Variants in IGSF5 observed in about 807,000 individuals in gnomAD.
The protein encoded by IGSF5 is immunoglobulin superfamily member 5, also known as immunoglobulin superfamily 5 like.
A neutral mutation model predicts 39.4 loss-of-function variants in IGSF5; 41 were observed. The observed-to-expected ratio is 1.04, with a 90% CI of 0.81 to 1.35. The LOEUF is 1.35. Among genes scored for constraint, IGSF5 ranks in the 40% most tolerant of loss-of-function variants. The probability of loss-of-function intolerance (pLI) is 0.00; values close to 1 mark genes in which losing one functional copy is unlikely to be tolerated. For synonymous variants in IGSF5, 183 were observed against 175.3 expected (o/e 1.04, Z -0.34); for missense variants, 487 against 494.6 (o/e 0.98, Z 0.15).
the IGSF5 span, among the ~76,000 whole-genome samples, chr21:39,724,128 AAAATG>A: frequency 7.3e-6 from 1 of 137,056 alleles, no homozygotes; most frequent in South Asian, 2.4e-4. Flanking sequence ...AAAATAAAAT[AAAATG>A]CCTTTTGTTT....
chr21:39,716,187 C>T, the IGSF5 span, among the ~76,000 whole-genome samples: 20 of 152,312 alleles, frequency 1.3e-4, no homozygotes, highest in Non-Finnish European at 2.9e-4. Flanking sequence ...AGTGCCCTCC[C>T]TCATGACTCG....
intron 5 of IGSF5, among the ~76,000 whole-genome samples, chr21:39,779,761 G>A (rs544708330): frequency 1.2e-4 from 18 of 152,268 alleles, no homozygotes; most frequent in African/African-American, 2.4e-4. Flanking sequence ...ACCCTGGAGA[G>A]ACCTAAAGGA....
At chr21:39,735,861 T>C in the IGSF5 span, among the ~76,000 whole-genome samples, 2 of 152,328 alleles carry the variant, frequency 1.3e-5, no homozygotes, top group East Asian at 3.9e-4. Context: ...TCCTACAGCT[T>C]AGAGTTGTAA....
the IGSF5 span, among the ~76,000 whole-genome samples, chr21:39,713,985 G>A: frequency 1.5e-4 from 23 of 152,336 alleles, no homozygotes; most frequent in African/African-American, 4.8e-4. Context: ...ACAAGGTCCC[G>A]GTCTTTTCAG....
the IGSF5 span, among the ~76,000 whole-genome samples, chr21:39,731,527 A>C: frequency 2.8e-4 from 43 of 152,224 alleles, no homozygotes; most frequent in Non-Finnish European, 4.1e-4. Flanking sequence ...ACTTTTTAAA[A>C]GCAGAGTTTT....
chr21:39,744,683 T>C (rs1372147350), upstream of IGSF5, among the ~76,000 whole-genome samples: 2 of 152,256 alleles, frequency 1.3e-5, no homozygotes, highest in Non-Finnish European at 2.9e-5. Context: ...GTTACATTAC[T>C]TTTTTCTAAC....
upstream of IGSF5, among the ~76,000 whole-genome samples, chr21:39,745,165 CTCTCTCTCTCCA>C (rs1179933075): frequency 6.6e-6 from 1 of 151,528 alleles, no homozygotes; most frequent in Non-Finnish European, 1.5e-5. Flanking sequence ...TCATCTCTCT[CTCTCTCTCTCCA>C]TCTCTCTCTC....
chr21:39,745,623 G>A (rs2079970226), intron 1 of IGSF5, 97 bp downstream of exon 1: 3 of 684,700 alleles, frequency 4.4e-6, no homozygotes, highest in Middle Eastern at 2.5e-4. Context: ...ACAGCTTTCT[G>A]CCTCTAGTTG....
the IGSF5 span, among the ~76,000 whole-genome samples, chr21:39,737,113 C>T: frequency 6.6e-6 from 1 of 151,842 alleles, no homozygotes; most frequent in Non-Finnish European, 1.5e-5. Flanking sequence ...CCTGATCTGT[C>T]TGCTTTGTTC....
Position 39,764,817 on chromosome 21 carries a change from C to G in IGSF5, c.101-718C>G, listed in dbSNP as rs2837186. 2.4e-4 allele frequency among the ~76,000 whole-genome samples: 37 copies of G among 152,162 alleles called. No individual in the cohort carries two copies. In the South Asian group the frequency reaches 7.7e-3, roughly 32 times the overall value. ...GGTGGGCACAAACTAGGAGAAGCCA[C>G]GGTATGTGGTCTGCCAGGGTGTCTT... On this transcript the variant is annotated intron_variant, in intron 2 of 8. Coordinates refer to ENST00000380588, the MANE Select transcript of IGSF5 (RefSeq NM_001080444.2).
chr21:39,747,161 T>C (rs114599260), intron 2 of IGSF5, among the ~76,000 whole-genome samples: 15,086 of 152,238 alleles, frequency 0.099, 2,440 homozygotes, highest in African/African-American at 0.34. Flanking sequence ...CAGCTCCATG[T>C]GGCTGGGGAG....
intron 2 of IGSF5, among the ~76,000 whole-genome samples, chr21:39,754,994 T>G (rs1244192723): frequency 6.6e-6 from 1 of 152,160 alleles, no homozygotes; most frequent in Non-Finnish European, 1.5e-5. Flanking sequence ...CATACAGAGA[T>G]GAAATGTGGA....
intron 2 of IGSF5, among the ~76,000 whole-genome samples, chr21:39,760,674 G>A (rs56378314): frequency 0.43 from 64,771 of 151,758 alleles, 14,225 homozygotes; most frequent in Non-Finnish European, 0.49. Flanking sequence ...ATGTTAAAGC[G>A]ATTCTCCTGC....
Position 39,777,918 on chromosome 21 carries a change from G to T in IGSF5, c.719-1172G>T, listed in dbSNP as rs1018352. ...GTCTGTGGTTCCAAAGTGGTGGATG[G>T]CCATTGATTTCAAAGCAAACCCCAT... On this transcript the variant is annotated intron_variant, in intron 4 of 8. Coordinates refer to ENST00000380588, the MANE Select transcript of IGSF5 (RefSeq NM_001080444.2). Among the ~76,000 whole-genome samples the T allele has an allele frequency of 1.2e-3, 175 of 152,078 alleles. 3 individuals are homozygous for T. The East Asian group carries it at 0.033, about 28-fold the overall frequency.
At chr21:39,738,144 A>T in the IGSF5 span, among the ~76,000 whole-genome samples, 1 of 152,210 alleles carries the variant, frequency 6.6e-6, no homozygotes, top group Non-Finnish European at 1.5e-5. The surrounding 1 kb of genome is among the most constrained non-coding windows in gnomAD (Gnocchi z 6.4). Context: ...TGATAAGGAC[A>T]TACCCAAGGC....
the IGSF5 span, among the ~76,000 whole-genome samples, chr21:39,732,524 A>G: frequency 5.3e-5 from 8 of 152,218 alleles, no homozygotes; most frequent in Non-Finnish European, 1.2e-4. Context: ...AGGGGGATTT[A>G]TCAACTTTGT....
chr21:39,781,964 A>T (rs1439147594), intron 5 of IGSF5, among the ~76,000 whole-genome samples: 2 of 151,918 alleles, frequency 1.3e-5, no homozygotes, highest in African/African-American at 2.4e-5. Context: ...CTTATATCTT[A>T]TATGGTTTCA....
chr21:39,737,205 A>G, the IGSF5 span, among the ~76,000 whole-genome samples: 1 of 149,406 alleles, frequency 6.7e-6, no homozygotes, highest in East Asian at 2.0e-4. Flanking sequence ...ACCCCTCACC[A>G]CTCAATGTGC....
chr21:39,795,478 G>A (rs752009532), intron 8 of IGSF5, among the ~76,000 whole-genome samples: 2 of 151,682 alleles, frequency 1.3e-5, no homozygotes, highest in Non-Finnish European at 2.9e-5. Flanking sequence ...CTGGCGTTGT[G>A]GGGAGGGTAT....
Sources: gnomAD v4.1 joint callset for allele counts (sites outside exome capture counted in the v4.1 genomes callset) on GRCh38, gnomAD v4.1.1 for gene constraint, Gnocchi (gnomAD v3.1) non-coding constraint, MANE v1.5 for transcripts, NCBI Gene and HGNC (gene_info 2026-07-23, HGNC 2026-07-21) for gene names.